Variants in AFF3 observed in about 807,000 individuals in gnomAD.
The protein encoded by AFF3 is ALF transcription elongation factor 3.
AFF3 carries 32 observed loss-of-function variants against 129.7 expected under a neutral mutation model. That is an observed-to-expected ratio of 0.25 (90% CI 0.19 to 0.33). The LOEUF is 0.33. AFF3 is among the 10% of genes least tolerant of loss of function. AFF3 has a pLI of 1.00. For synonymous variants in AFF3, 644 were observed against 635.4 expected (o/e 1.01, Z -0.20); for missense variants, 1,373 against 1,592.0 (o/e 0.86, Z 2.34).
chr2:100,057,374 C>G (rs1174956648), intron 4 of AFF3, among the ~76,000 whole-genome samples: 2 of 150,900 alleles, frequency 1.3e-5, no homozygotes, highest in Admixed American at 6.6e-5. Context: ...ATATCCTAGG[C>G]CTGCCACTTA....
chr2:100,050,197 C>CG (rs1004995922), intron 4 of AFF3, among the ~76,000 whole-genome samples: 25 of 151,592 alleles, frequency 1.6e-4, no homozygotes, highest in Admixed American at 3.9e-4. Flanking sequence ...GACTTCATCT[C>CG]GGGGGGGAAA....
chr2:100,008,997 C>T, intron 4 of AFF3, 65 bp from the exon 5 acceptor site: 1 of 1,577,468 alleles, frequency 6.3e-7, no homozygotes, highest in Non-Finnish European at 8.6e-7. Context: ...CCCAATGTAA[C>T]ACTTGTGTGA....
chr2:99,634,747 T>TG (rs1461085938), intron 13 of AFF3, among the ~76,000 whole-genome samples: 12 of 151,944 alleles, frequency 7.9e-5, no homozygotes, highest in Non-Finnish European at 2.9e-5. Flanking sequence ...TTTTTTTTTT[T>TG]GTCATCTTCT....
chr2:100,113,073 T>C (rs1691582277), intron 2 of AFF3, among the ~76,000 whole-genome samples: 1 of 152,212 alleles, frequency 6.6e-6, no homozygotes, highest in South Asian at 2.1e-4. Context: ...CTCTGTCATC[T>C]TCCCTTGAAG....
At chr2:99,553,917 C>CAAAAAAAAAAAAAAAAAAAAAAAAA (rs1674649199) in intron 24 of AFF3, among the ~76,000 whole-genome samples, 2 of 72,452 alleles carry the variant, frequency 2.8e-5, no homozygotes, top group African/African-American at 7.2e-5. Flanking sequence ...CTGTCTCAAA[C>CAAAAAAAAAAAAAAAAAAAAAAAAA]CAAAAAAAAA....
At chr2:99,620,310 T>C (rs1681867721) in intron 13 of AFF3, among the ~76,000 whole-genome samples, 2 of 152,098 alleles carry the variant, frequency 1.3e-5, no homozygotes, top group Non-Finnish European at 2.9e-5. Context: ...TCTAATACCC[T>C]TCGATAAATG....
chr2:99,919,407 C>T (rs774558856), intron 7 of AFF3, among the ~76,000 whole-genome samples: 5 of 151,978 alleles, frequency 3.3e-5, no homozygotes, highest in Non-Finnish European at 7.4e-5. Context: ...AATGGGTTGT[C>T]GAATACGGGA....
At chr2:99,973,523 T>A (rs566315431) in intron 7 of AFF3, among the ~76,000 whole-genome samples, 1 of 152,316 alleles carries the variant, frequency 6.6e-6, no homozygotes, top group South Asian at 2.1e-4. Context: ...TTCCGTTTTG[T>A]GCACACAGGG....
At chr2:99,991,403 C>T (rs1378989540) in intron 7 of AFF3, among the ~76,000 whole-genome samples, 1 of 152,138 alleles carries the variant, frequency 6.6e-6, no homozygotes, top group Non-Finnish European at 1.5e-5. Context: ...TCCATCTCTG[C>T]CGTGTTCCTC....
intron 22 of AFF3, among the ~76,000 whole-genome samples, chr2:99,558,455 T>C (rs575055424): frequency 1.3e-5 from 2 of 152,098 alleles, no homozygotes; most frequent in East Asian, 3.9e-4. Flanking sequence ...ACCCCATCTC[T>C]ACTAAAAATA....
rs538660043 is a variant in AFF3 at position 100,062,150 on chromosome 2, G to A, written c.53+42252C>T. ...TCTTCCAGGGGGTCAGATGGACCCA[G>A]CAGGGTCTGGATGAGGCAGATCTCA... On this transcript the variant is annotated intron_variant, in intron 4 of 24. Coordinates refer to ENST00000672756, the MANE Select transcript of AFF3 (RefSeq NM_001386135.1). Among the ~76,000 whole-genome samples, 107 of 152,346 alleles carry A rather than the reference G, an allele frequency of 7.0e-4. 1 individual carries two copies. Among genetic ancestry groups the A allele is most frequent in the African/African-American group, 2.5e-3 (103 of 41,586 alleles).
chr2:100,064,505 C>T (rs1478431987), intron 4 of AFF3, among the ~76,000 whole-genome samples: 1 of 152,192 alleles, frequency 6.6e-6, no homozygotes, highest in Non-Finnish European at 1.5e-5. Context: ...TGAATTGCTA[C>T]TAAATTAAGA....
At chr2:99,609,257 A>G (rs1680682588) in intron 13 of AFF3, among the ~76,000 whole-genome samples, 1 of 148,930 alleles carries the variant, frequency 6.7e-6, no homozygotes, top group Non-Finnish European at 1.5e-5. Context: ...TTTGGGGGGG[A>G]GGGGAATAGG....
intron 8 of AFF3, among the ~76,000 whole-genome samples, chr2:99,767,937 C>T (rs1683160124): frequency 6.6e-6 from 1 of 152,166 alleles, no homozygotes; most frequent in Non-Finnish European, 1.5e-5. Flanking sequence ...GGATCACAAG[C>T]AGAGTGGGAT....
chr2:100,059,747 C>A (rs989614077), intron 4 of AFF3, among the ~76,000 whole-genome samples: 6 of 152,168 alleles, frequency 3.9e-5, no homozygotes, highest in Non-Finnish European at 7.4e-5. Context: ...CATTCAGAGG[C>A]CACATCAGTG....
chr2:99,563,482 G>T (rs980022199), intron 20 of AFF3, among the ~76,000 whole-genome samples: 1 of 150,752 alleles, frequency 6.6e-6, no homozygotes, highest in Non-Finnish European at 1.5e-5. Context: ...GAGCCACCGC[G>T]CCCAGAAAAT....
At chr2:100,128,915 G>A (rs1692310007) in intron 2 of AFF3, among the ~76,000 whole-genome samples, 2 of 152,030 alleles carry the variant, frequency 1.3e-5, no homozygotes, top group Admixed American at 1.3e-4. Flanking sequence ...TCCTTCCTGT[G>A]GACACATTTC....
At chr2:100,075,613 G>C (rs1254184571) in intron 4 of AFF3, among the ~76,000 whole-genome samples, 1 of 151,950 alleles carries the variant, frequency 6.6e-6, no homozygotes, top group Admixed American at 6.6e-5. Context: ...AACAACAGTG[G>C]CCAAAAAAAC....
intron 11 of AFF3, among the ~76,000 whole-genome samples, chr2:99,692,994 C>A (rs1675829161): frequency 6.6e-6 from 1 of 152,240 alleles, no homozygotes; most frequent in Non-Finnish European, 1.5e-5. Context: ...TCCAGCCTCG[C>A]CCTCTGCAGG....
Sources: gnomAD v4.1 joint callset for allele counts (sites outside exome capture counted in the v4.1 genomes callset) on GRCh38, gnomAD v4.1.1 for gene constraint, MANE v1.5 for transcripts, NCBI Gene and HGNC (gene_info 2026-07-23, HGNC 2026-07-21) for gene names.